The following PRKAR2B variants were observed in gnomAD, a reference collection of about 807,000 sequenced individuals.
PRKAR2B encodes protein kinase cAMP-dependent type II regulatory subunit beta, also known as cAMP-dependent protein kinase type II-beta regulatory subunit.
A neutral mutation model predicts 49.9 loss-of-function variants in PRKAR2B; 14 were observed. The ratio of observed to expected loss-of-function variants is 0.28; its 90% confidence interval spans 0.19 to 0.44. PRKAR2B has a LOEUF of 0.44. Ranked by LOEUF, PRKAR2B falls within the 20% of genes least tolerant of loss-of-function variation. PRKAR2B has a pLI of 1.00. For synonymous variants in PRKAR2B, 196 were observed against 197.7 expected, an observed-to-expected ratio of 0.99 and a Z score of 0.07; for missense variants, 393 against 537.9, an observed-to-expected ratio of 0.73 and a Z score of 2.67.
At chr7:107,145,845 T>G (rs1258573391) in intron 5 of PRKAR2B, among the ~76,000 whole-genome samples, 2 of 151,134 alleles carry the variant, frequency 1.3e-5, no homozygotes, top group Non-Finnish European at 2.9e-5. Flanking sequence ...GTTCAAGTGA[T>G]TCTCCTGCCT....
At chr7:107,074,154 T>C (rs527305896) in intron 2 of PRKAR2B, among the ~76,000 whole-genome samples, 1 of 152,134 alleles carries the variant, frequency 6.6e-6, no homozygotes. Context: ...CTTGCTCTGT[T>C]GCCCAGGCTG....
At chr7:107,097,330 C>A (rs1440213128) in intron 2 of PRKAR2B, among the ~76,000 whole-genome samples, 3 of 152,048 alleles carry the variant, frequency 2.0e-5, no homozygotes, top group African/African-American at 7.2e-5. Context: ...GGCTTGCAAC[C>A]CCGGCTTTTT....
chr7:107,074,555 T>C (rs1271623543), intron 2 of PRKAR2B, among the ~76,000 whole-genome samples: 2 of 152,084 alleles, frequency 1.3e-5, no homozygotes, highest in African/African-American at 2.4e-5. Flanking sequence ...TTTTGCCACT[T>C]TGGGAGGCTG....
chr7:107,137,206 T>TA (rs1328237783), intron 4 of PRKAR2B, among the ~76,000 whole-genome samples: 1 of 152,222 alleles, frequency 6.6e-6, no homozygotes, highest in Non-Finnish European at 1.5e-5. Context: ...CAGTCCCAGT[T>TA]ATGGCCTCTA....
At chr7:107,118,689 G>T (rs949504831) in intron 2 of PRKAR2B, among the ~76,000 whole-genome samples, 10 of 152,190 alleles carry the variant, frequency 6.6e-5, no homozygotes, top group Admixed American at 1.3e-4. Context: ...TCCAGAATTA[G>T]TTCTGTGTGG....
chr7:107,071,183 T>C lies in PRKAR2B; in HGVS notation c.343+867T>C, dbSNP rs189481474. Among the ~76,000 whole-genome samples the C allele has an allele frequency of 2.2e-4, 34 of 152,362 alleles. 1 individual carries two copies. The East Asian group carries it at 2.5e-3, about 11-fold the overall frequency. ...TTAAGTATACCTGGAAATTTTTTGT[T>C]AAACCCAAGATAAACATTTCACACA... On this transcript the variant is annotated intron_variant, in intron 2 of 10. Coordinates refer to ENST00000265717, the MANE Select transcript of PRKAR2B (RefSeq NM_002736.3).
intron 2 of PRKAR2B, among the ~76,000 whole-genome samples, chr7:107,071,223 T>C (rs947393473): frequency 5.9e-5 from 9 of 152,148 alleles, no homozygotes; most frequent in Admixed American, 5.2e-4. Flanking sequence ...ATCTTTGGAG[T>C]TGATATAATA....
At chr7:107,106,310 A>C (rs767206545) in intron 2 of PRKAR2B, among the ~76,000 whole-genome samples, 9 of 152,200 alleles carry the variant, frequency 5.9e-5, no homozygotes, top group Non-Finnish European at 1.2e-4. Flanking sequence ...CTGGAACTGC[A>C]TCGCACCCCA....
At chr7:107,055,591 T>G (rs1472402862) in intron 1 of PRKAR2B, among the ~76,000 whole-genome samples, 1 of 152,226 alleles carries the variant, frequency 6.6e-6, no homozygotes, top group African/African-American at 2.4e-5. Flanking sequence ...TCATGTGTCT[T>G]TTGGCTGCAT....
chr7:107,142,283 C>G (rs1795803646), intron 5 of PRKAR2B, among the ~76,000 whole-genome samples: 1 of 152,154 alleles, frequency 6.6e-6, no homozygotes, highest in African/African-American at 2.4e-5. Flanking sequence ...ACTGATTCTC[C>G]CATTCCCTCA....
At chr7:107,134,970 G>C (rs963597014) in intron 4 of PRKAR2B, among the ~76,000 whole-genome samples, 1 of 151,854 alleles carries the variant, frequency 6.6e-6, no homozygotes, top group Non-Finnish European at 1.5e-5. Context: ...AAAGAAAAAA[G>C]ATAAATAGGA....
chr7:107,048,098 T>C (rs939344948), intron 1 of PRKAR2B, among the ~76,000 whole-genome samples: 3 of 152,220 alleles, frequency 2.0e-5, no homozygotes, highest in African/African-American at 7.2e-5. Context: ...AAAATCAAGA[T>C]TGGGATACAG....
At chr7:107,095,762 A>G (rs993591044) in intron 2 of PRKAR2B, among the ~76,000 whole-genome samples, 6 of 152,176 alleles carry the variant, frequency 3.9e-5, no homozygotes, top group South Asian at 2.1e-4. Flanking sequence ...TGAGATAATC[A>G]TGTGGTTTTT....
chr7:107,157,708 G>T (rs1251106736), intron 10 of PRKAR2B, among the ~76,000 whole-genome samples: 1 of 152,208 alleles, frequency 6.6e-6, no homozygotes, highest in Non-Finnish European at 1.5e-5. Context: ...CTGAGATGTT[G>T]TGAGAATCCT....
In PRKAR2B at chr7:107,093,685, C is replaced by T. The variant is rs1003627985; in HGVS notation, c.343+23369C>T. Among the ~76,000 whole-genome samples the T allele has an allele frequency of 1.1e-4, 15 of 137,250 alleles. No homozygotes were observed. The East Asian group carries it at 1.7e-3, about 15-fold the overall frequency. The allele number at this position is 137,250 out of a possible 152,430, so 90.0% of individuals were successfully genotyped here. A position where few individuals can be genotyped will look rare whatever the true frequency, so the allele number is the denominator to read the frequency against. On this transcript the variant is annotated intron_variant, in intron 2 of 10. Coordinates refer to ENST00000265717, the MANE Select transcript of PRKAR2B (RefSeq NM_002736.3). ...CCTCCCCCCACCCCATGACAGGCCCCGGTGTGTGATGTTTTGCACTCTGTG... is the reference window on the plus strand; with the variant it reads ...CCTCCCCCCACCCCATGACAGGCCCTGGTGTGTGATGTTTTGCACTCTGTG...
At chr7:107,126,129 C>T (rs1019068638) in intron 3 of PRKAR2B, among the ~76,000 whole-genome samples, 8 of 147,344 alleles carry the variant, frequency 5.4e-5, no homozygotes, top group East Asian at 2.0e-4. Flanking sequence ...CGCGCTGGCT[C>T]ACGCCTGTAA....
intron 6 of PRKAR2B, 21 bp from the exon 7 acceptor site, chr7:107,150,901 C>G: frequency 7.2e-7 from 1 of 1,388,638 alleles, no homozygotes; most frequent in Non-Finnish European, 1.0e-6. Context: ...AAAATTTACC[C>G]TTTAACTGTT....
chr7:107,078,685 A>T (rs1794455795), intron 2 of PRKAR2B, among the ~76,000 whole-genome samples: 1 of 152,172 alleles, frequency 6.6e-6, no homozygotes, highest in South Asian at 2.1e-4. Context: ...ACTGATACTT[A>T]AGCAACCTTG....
intron 1 of PRKAR2B, 153 bp from the exon 2 acceptor site, chr7:107,070,128 G>C (rs1794233759): frequency 4.0e-6 from 2 of 501,216 alleles, no homozygotes; most frequent in Non-Finnish European, 7.0e-6. Flanking sequence ...ATGAATTTCA[G>C]CATTTAATTT....
Sources: gnomAD v4.1 joint callset for allele counts (sites outside exome capture counted in the v4.1 genomes callset) on GRCh38, gnomAD v4.1.1 for gene constraint, MANE v1.5 for transcripts, NCBI Gene and HGNC (gene_info 2026-07-23, HGNC 2026-07-21) for gene names.